Variants in RBFOX1 observed in about 807,000 individuals in gnomAD.
RBFOX1 encodes RNA binding protein fox-1 homolog 1.
A neutral mutation model predicts 57.7 loss-of-function variants in RBFOX1; 8 were observed. The observed-to-expected ratio is 0.14, with a 90% CI of 0.08 to 0.25. RBFOX1 has a LOEUF of 0.25. Ranked by LOEUF, RBFOX1 falls within the 10% of genes least tolerant of loss-of-function variation. The pLI, the probability that RBFOX1 is intolerant of heterozygous loss-of-function variation, is 1.00. For missense variants in RBFOX1, 611 were observed against 548.5 expected (o/e 1.11, Z -1.14); for synonymous variants, 326 against 222.4 (o/e 1.47, Z -4.15).
At chr16:6,423,352 G>A (rs537007238) in intron 2 of RBFOX1, among the ~76,000 whole-genome samples, 47 of 152,240 alleles carry the variant, frequency 3.1e-4, no homozygotes, top group African/African-American at 1.1e-3. Flanking sequence ...TAATCCCAGC[G>A]CTTTGGGAGG....
chr16:5,243,015 T>G (rs1187954143), intron 1 of RBFOX1, among the ~76,000 whole-genome samples: 1 of 149,754 alleles, frequency 6.7e-6, no homozygotes, highest in Admixed American at 6.7e-5. Flanking sequence ...GTGGGGGGCA[T>G]TGATTTCCTG....
intron 3 of RBFOX1, among the ~76,000 whole-genome samples, chr16:5,609,443 A>C (rs961406616): frequency 5.3e-5 from 8 of 152,196 alleles, no homozygotes; most frequent in African/African-American, 9.6e-5. Context: ...TGCTGGGGGC[A>C]GAGGAGAGGT....
At chr16:7,557,305 C>A (rs1002788509) in intron 5 of RBFOX1, among the ~76,000 whole-genome samples, 2 of 151,986 alleles carry the variant, frequency 1.3e-5, no homozygotes, top group Non-Finnish European at 2.9e-5. Flanking sequence ...AAATACAATA[C>A]CTCCAATGAC....
intron 4 of RBFOX1, among the ~76,000 whole-genome samples, chr16:7,274,289 C>A (rs1354317701): frequency 2.0e-5 from 3 of 152,138 alleles, no homozygotes; most frequent in African/African-American, 7.2e-5. Context: ...TCACAACAGC[C>A]TCATAAAGGA....
intron 3 of RBFOX1, among the ~76,000 whole-genome samples, chr16:6,728,377 T>TA (rs929656432): frequency 1.3e-5 from 2 of 151,810 alleles, no homozygotes; most frequent in Non-Finnish European, 2.9e-5. Flanking sequence ...TGTCTTGTCG[T>TA]TGTTTCTTCT....
intron 1 of RBFOX1, among the ~76,000 whole-genome samples, chr16:5,327,141 C>G (rs934691179): frequency 6.6e-5 from 10 of 152,186 alleles, no homozygotes; most frequent in African/African-American, 2.4e-4. Context: ...ATGGCAGTTT[C>G]TGAGTGATCA....
intron 6 of RBFOX1, among the ~76,000 whole-genome samples, chr16:7,586,467 A>T (rs886491764): frequency 6.6e-6 from 1 of 152,208 alleles, no homozygotes; most frequent in Admixed American, 6.5e-5. Flanking sequence ...ACAGTCGTTG[A>T]ATTTGAAGTT....
At chr16:5,756,802 C>A (rs1245021119) in intron 3 of RBFOX1, among the ~76,000 whole-genome samples, 1 of 152,102 alleles carries the variant, frequency 6.6e-6, no homozygotes, top group Non-Finnish European at 1.5e-5. Flanking sequence ...TGGCCAGCTT[C>A]GTGGGAAAGG....
At chr16:7,440,105 A>G (rs981147278) in intron 4 of RBFOX1, among the ~76,000 whole-genome samples, 2 of 151,916 alleles carry the variant, frequency 1.3e-5, no homozygotes, top group African/African-American at 2.4e-5. Flanking sequence ...CGTGTCGCCT[A>G]GGCTGGTCTC....
Position 5,476,066 on chromosome 16 carries a change from C to T in RBFOX1, c.258+8812C>T, listed in dbSNP as rs144319322. Reference sequence around the variant, plus strand: ...CTCCTCCCTGCCTTGTTTCCAGCCACAGTGCCCCCTCCTTCTCTTAGACTT... The same window carrying T: ...CTCCTCCCTGCCTTGTTTCCAGCCATAGTGCCCCCTCCTTCTCTTAGACTT... On this transcript the variant is annotated intron_variant, in intron 2 of 2. Transcript: ENST00000585867. 7.6e-3 allele frequency among the ~76,000 whole-genome samples: 1,159 copies of T among 152,228 alleles called. 13 individuals are homozygous for T. The highest frequency in any genetic ancestry group is 0.026 in the African/African-American group (1,088 of 41,498).
chr16:6,044,772 A>G (rs1365951237), intron 1 of RBFOX1, among the ~76,000 whole-genome samples: 1 of 152,240 alleles, frequency 6.6e-6, no homozygotes, highest in African/African-American at 2.4e-5. Flanking sequence ...CAGTGGCATG[A>G]GGCGTGAACT....
intron 3 of RBFOX1, among the ~76,000 whole-genome samples, chr16:7,025,879 C>T (rs947117516): frequency 6.6e-6 from 1 of 152,154 alleles, no homozygotes; most frequent in Non-Finnish European, 1.5e-5. Flanking sequence ...GGATGAGCTG[C>T]TTAATAGTAC....
intron 3 of RBFOX1, among the ~76,000 whole-genome samples, chr16:6,906,123 T>A (rs559315763): frequency 6.6e-6 from 1 of 152,094 alleles, no homozygotes; most frequent in Non-Finnish European, 1.5e-5. Flanking sequence ...AAAATTATAA[T>A]GCCTCACTTA....
intron 1 of RBFOX1, among the ~76,000 whole-genome samples, chr16:6,298,745 A>C (rs2078437315): frequency 6.6e-6 from 1 of 152,196 alleles, no homozygotes; most frequent in African/African-American, 2.4e-5. Context: ...TGTTTTCCAA[A>C]GGTTAGCTTT....
intron 2 of RBFOX1, among the ~76,000 whole-genome samples, chr16:5,518,780 C>T (rs1461104187): frequency 6.6e-6 from 1 of 152,148 alleles, no homozygotes; most frequent in Non-Finnish European, 1.5e-5. Flanking sequence ...ATAAGGAACA[C>T]AGAAACAGAG....
intron 4 of RBFOX1, among the ~76,000 whole-genome samples, chr16:7,178,511 A>T (rs989022155): frequency 2.6e-5 from 4 of 152,218 alleles, no homozygotes; most frequent in Non-Finnish European, 5.9e-5. Flanking sequence ...ACTGATAATC[A>T]TTACTAAACA....
At chr16:6,540,677 T>G (rs2096803172) in intron 2 of RBFOX1, among the ~76,000 whole-genome samples, 1 of 148,412 alleles carries the variant, frequency 6.7e-6, no homozygotes, top group Non-Finnish European at 1.5e-5. Flanking sequence ...CAAGAATGCC[T>G]AATCTGTGGT....
chr16:7,603,768 G>C (rs1596346320), intron 9 of RBFOX1, among the ~76,000 whole-genome samples: 1 of 152,210 alleles, frequency 6.6e-6, no homozygotes, highest in Admixed American at 6.5e-5. Context: ...GTACCAAATA[G>C]TTTGGTTAAT....
chr16:6,183,869 C>T (rs2097086869), intron 1 of RBFOX1, among the ~76,000 whole-genome samples: 1 of 152,006 alleles, frequency 6.6e-6, no homozygotes. Flanking sequence ...ATAGTATGGA[C>T]CTGGGATTTA....
Sources: gnomAD v4.1 joint callset for allele counts (sites outside exome capture counted in the v4.1 genomes callset) on GRCh38, gnomAD v4.1.1 for gene constraint, MANE v1.5 for transcripts, NCBI Gene and HGNC (gene_info 2026-07-23, HGNC 2026-07-21) for gene names.